DIAPH3: variants seen among roughly 807,000 people sequenced by gnomAD.
The protein encoded by DIAPH3 is diaphanous related formin 3.
In DIAPH3, 117 loss-of-function variants were observed where a neutral mutation model predicts 144.3. The observed-to-expected ratio is 0.81, with a 90% confidence interval of 0.70 to 0.95. DIAPH3 has a LOEUF of 0.95. Among genes scored for constraint, DIAPH3 ranks in the 40% least tolerant of loss-of-function variants. The probability of loss-of-function intolerance (pLI) is 0.00; values close to 1 mark genes in which losing one functional copy is unlikely to be tolerated. For synonymous variants in DIAPH3, 519 were observed against 488.9 expected, an observed-to-expected ratio of 1.06 and a Z score of -0.81; for missense variants, 1,421 against 1,412.7, an observed-to-expected ratio of 1.01 and a Z score of -0.09.
chr13:60,109,725 G>C (rs2058515592), intron 3 of DIAPH3, among the ~76,000 whole-genome samples: 4 of 152,162 alleles, frequency 2.6e-5, no homozygotes, highest in Non-Finnish European at 1.5e-5. Flanking sequence ...GCAACAGCTG[G>C]AATAAACTAG....
chr13:60,032,548 G>A (rs912726704), intron 5 of DIAPH3, among the ~76,000 whole-genome samples: 1 of 152,212 alleles, frequency 6.6e-6, no homozygotes, highest in Non-Finnish European at 1.5e-5. Flanking sequence ...GGCCCAAGCT[G>A]TACCAGGGCC....
At chr13:60,146,099 TTACA>T (rs1215460176) in intron 1 of DIAPH3, among the ~76,000 whole-genome samples, 3 of 152,202 alleles carry the variant, frequency 2.0e-5, no homozygotes, top group African/African-American at 7.2e-5. Context: ...AAAAAGATGA[TTACA>T]TATTTATAAA....
chr13:59,939,835 C>CGTGTGTGTGTGTGTGTGT (rs3220859), intron 17 of DIAPH3, among the ~76,000 whole-genome samples: 2 of 146,652 alleles, frequency 1.4e-5, no homozygotes, highest in Admixed American at 6.8e-5. Context: ...GAGAATGAGG[C>CGTGTGTGTGTGTGTGTGT]GTGTGTGTGT....
chr13:60,052,018 T>C (rs1423684480), intron 4 of DIAPH3, among the ~76,000 whole-genome samples: 1 of 152,166 alleles, frequency 6.6e-6, no homozygotes, highest in Non-Finnish European at 1.5e-5. Context: ...AGCTACCTGC[T>C]TCCTCCCAGA....
At chr13:59,719,390 A>T (rs2035226218) in intron 27 of DIAPH3, among the ~76,000 whole-genome samples, 1 of 152,168 alleles carries the variant, frequency 6.6e-6, no homozygotes, top group African/African-American at 2.4e-5. Context: ...AAACACTGTG[A>T]TTTAATGAAG....
At chr13:59,845,099 G>A (rs1457846863) in intron 22 of DIAPH3, among the ~76,000 whole-genome samples, 4 of 151,254 alleles carry the variant, frequency 2.6e-5, no homozygotes, top group African/African-American at 9.7e-5. Flanking sequence ...AGGCTGGAGT[G>A]CACTGGTGTG....
At chr13:60,125,978 G>C (rs776113922) in intron 2 of DIAPH3, among the ~76,000 whole-genome samples, 3 of 152,154 alleles carry the variant, frequency 2.0e-5, no homozygotes, top group Non-Finnish European at 4.4e-5. Flanking sequence ...GGAAAGTAAA[G>C]GGTTTAACTT....
chr13:60,162,698 G>T (rs1952349551), intron 1 of DIAPH3, among the ~76,000 whole-genome samples: 2 of 151,670 alleles, frequency 1.3e-5, no homozygotes, highest in African/African-American at 4.8e-5. Context: ...TTAGCAACTG[G>T]TTCACAAACC....
chr13:60,010,691 A>G, intron 7 of DIAPH3, 22 bp from the exon 8 acceptor site: 4 of 1,608,950 alleles, frequency 2.5e-6, no homozygotes, highest in Non-Finnish European at 3.4e-6. Context: ...TGAAAATAAG[A>G]GGTCAAATGT....
intron 24 of DIAPH3, among the ~76,000 whole-genome samples, chr13:59,813,176 T>A (rs1163003869): frequency 6.6e-6 from 1 of 152,044 alleles, no homozygotes; most frequent in African/African-American, 2.4e-5. Context: ...GCTATTGCTA[T>A]TGTGTGAGTA....
chr13:60,072,676 A>G (rs750491243), intron 4 of DIAPH3, among the ~76,000 whole-genome samples: 17 of 152,214 alleles, frequency 1.1e-4, no homozygotes, highest in African/African-American at 2.7e-4. Context: ...CTCAGAATAA[A>G]AAGTTGAAAC....
At position 60,135,176 on chromosome 13, in the gene DIAPH3, C is replaced by T. The variant is rs535102383; in HGVS notation, c.181-2187G>A. Among the ~76,000 whole-genome samples, 9 of 150,602 alleles carry T rather than the reference C, an allele frequency of 6.0e-5. No individual in the cohort carries two copies. The South Asian group carries it at 6.3e-4, about 10-fold the overall frequency. ...TTTAAAATTTCAGTTGGGCTCACAA[C>T]GTTCAGGAAAAAGAACAGCCACTCT... On this transcript the variant is annotated intron_variant, in intron 1 of 27. Transcript: ENST00000400324.
chr13:60,016,487 C>A (rs901140036), intron 5 of DIAPH3, among the ~76,000 whole-genome samples: 2 of 152,178 alleles, frequency 1.3e-5, no homozygotes, highest in African/African-American at 2.4e-5. Flanking sequence ...GAGCCTCCCC[C>A]ACCCACGCAC....
chr13:59,722,137 C>CA (rs951169758), intron 27 of DIAPH3, among the ~76,000 whole-genome samples: 1 of 151,974 alleles, frequency 6.6e-6, no homozygotes, highest in African/African-American at 2.4e-5. Context: ...TTCAAAGCCA[C>CA]AAAAAAAGCT....
intron 27 of DIAPH3, among the ~76,000 whole-genome samples, chr13:59,683,655 TA>T (rs2033062563): frequency 1.3e-5 from 2 of 152,106 alleles, no homozygotes; most frequent in South Asian, 4.1e-4. Context: ...AAGAGCAGCA[TA>T]CGAAAAAGGA....
intron 17 of DIAPH3, among the ~76,000 whole-genome samples, chr13:59,954,919 T>C (rs1460806279): frequency 1.3e-5 from 2 of 151,970 alleles, no homozygotes; most frequent in Non-Finnish European, 2.9e-5. Context: ...CACCTCCCAC[T>C]AGGTCCCATC....
In DIAPH3 at chr13:59,861,551, A is replaced by G. The variant is rs1372468640; in HGVS notation, c.2608-15T>C. The G allele has an allele frequency of 4.3e-6, 7 of 1,612,688 alleles. No individual in the cohort carries two copies. Among genetic ancestry groups the G allele is most frequent in the Non-Finnish European group, 5.9e-6 (7 of 1,179,106 alleles). On this transcript the variant is annotated splice_polypyrimidine_tract_variant and intron_variant, in intron 21 of 27. Transcript: ENST00000400324. ...GTGTCCTTTAGCTAAATAGAACAGG[A>G]GGGAGAAAAAACACAGAGTCATAAG...
At chr13:60,037,587 A>T (rs1291460758) in intron 5 of DIAPH3, among the ~76,000 whole-genome samples, 1 of 152,012 alleles carries the variant, frequency 6.6e-6, no homozygotes, top group Admixed American at 6.6e-5. Flanking sequence ...AAAATAAGAA[A>T]TTAAATATCA....
chr13:59,760,563 C>T (rs2139185765), intron 27 of DIAPH3, among the ~76,000 whole-genome samples: 1 of 152,272 alleles, frequency 6.6e-6, no homozygotes, highest in East Asian at 1.9e-4. Context: ...GTTCATCTTT[C>T]CATGTGAATA....
Sources: allele counts gnomAD v4.1 joint callset (sites outside exome capture counted in the v4.1 genomes callset), GRCh38; gene constraint gnomAD v4.1.1; transcripts MANE v1.5; gene names NCBI Gene and HGNC (gene_info 2026-07-23, HGNC 2026-07-21).